ARFGEF1: variants seen among roughly 807,000 people sequenced by gnomAD.
The protein encoded by ARFGEF1 is brefeldin A-inhibited guanine nucleotide-exchange protein 1.
A neutral mutation model predicts 231.0 loss-of-function variants in ARFGEF1; 42 were observed. The observed-to-expected ratio is 0.18, with a 90% CI of 0.14 to 0.24. The LOEUF (loss-of-function observed/expected upper bound fraction) is 0.24, where lower values mean the gene tolerates loss of function less well. ARFGEF1 is among the 10% of genes least tolerant of loss of function. ARFGEF1 has a pLI of 1.00. For synonymous variants in ARFGEF1, 710 were observed against 732.3 expected, an observed-to-expected ratio of 0.97 and a Z score of 0.49; for missense variants, 1,345 against 2,192.0, an observed-to-expected ratio of 0.61 and a Z score of 7.72.
rs145948171 is a variant in ARFGEF1, at chr8:67,175,800, T to C, written c.561-228A>G. On this transcript the variant is annotated intron_variant, in intron 5 of 5. Coordinates refer to the ARFGEF1 transcript ENST00000518789. ...TGTCGGGCATTTGCCTACTGTGCCA[T>C]GTCAGGCATTTGTCTACTGTGGTGT... 1.5e-3 allele frequency among the ~76,000 whole-genome samples: 232 copies of C among 152,378 alleles called. 2 individuals are homozygous for C. Among genetic ancestry groups the C allele is most frequent in the East Asian group, 0.014 (71 of 5,188 alleles).
chr8:67,217,304 CA>C (rs1388888346), intron 32 of ARFGEF1, among the ~76,000 whole-genome samples: 198 of 83,238 alleles, frequency 2.4e-3, no homozygotes, highest in East Asian at 8.0e-3. Context: ...AACTCCATCT[CA>C]AAAAAAAAAA....
chr8:67,228,285 T>C, intron 23 of ARFGEF1, 21 bp from the exon 24 acceptor site: 2 of 1,589,800 alleles, frequency 1.3e-6, no homozygotes, highest in Non-Finnish European at 1.7e-6. Flanking sequence ...TAAAACACAA[T>C]TTAAAAAATT....
chr8:67,193,346 C>A (rs1471566332), downstream of ARFGEF1: 20 of 784,020 alleles, frequency 2.6e-5, no homozygotes, highest in Non-Finnish European at 4.0e-5. Context: ...ATCTGCCCAC[C>A]TCGGCTTCCC....
rs1027991328 is a variant in ARFGEF1, at chr8:67,343,354, G to A, written c.-67C>T. On this transcript the variant is annotated 5_prime_UTR_variant, in exon 1 of 39. Transcript: ENST00000262215. The stretch of plus-strand genomic sequence containing the variant: ...CCCAGCGGCTGGAGGGGAGGAGGAG[G>A]AGAGGAAGGAAGAGAAGAGAGAAAG... 14 of 1,573,366 alleles carry A rather than the reference G, an allele frequency of 8.9e-6. No homozygotes were observed. In the East Asian group the frequency reaches 9.3e-5, roughly 10 times the overall value.
At chr8:67,181,983 G>A (rs1333650882) in intron 5 of ARFGEF1, among the ~76,000 whole-genome samples, 1 of 152,092 alleles carries the variant, frequency 6.6e-6, no homozygotes, top group Non-Finnish European at 1.5e-5. Context: ...GTTTATCCAT[G>A]TTATAGCATG....
intron 23 of ARFGEF1, among the ~76,000 whole-genome samples, chr8:67,231,855 C>T (rs995960820): frequency 4.6e-5 from 7 of 151,952 alleles, no homozygotes; most frequent in Admixed American, 2.0e-4. Flanking sequence ...AAATGTAAAG[C>T]GTTTTGCAAG....
chr8:67,224,146 C>T (rs1377365040), intron 29 of ARFGEF1, among the ~76,000 whole-genome samples: 1 of 152,054 alleles, frequency 6.6e-6, no homozygotes, highest in East Asian at 1.9e-4. Context: ...GATAAAGTTA[C>T]ACATCCAAAT....
At chr8:67,195,470 C>T, downstream of ARFGEF1, 5 of 1,614,124 alleles carry the variant, frequency 3.1e-6, no homozygotes, top group Non-Finnish European at 4.2e-6. Context: ...AGCCCTGGCT[C>T]CGCCCTGGCA....
At chr8:67,334,543 T>C (rs1032379643) in intron 1 of ARFGEF1, among the ~76,000 whole-genome samples, 1 of 152,188 alleles carries the variant, frequency 6.6e-6, no homozygotes, top group Non-Finnish European at 1.5e-5. Flanking sequence ...AACATAAATT[T>C]ATCAAGTGGC....
chr8:67,296,660 T>C lies in ARFGEF1; in HGVS notation c.460-50A>G, dbSNP rs1304532217. The C allele has an allele frequency of 3.4e-6, 5 of 1,453,052 alleles. No individual in the cohort carries two copies. The Middle Eastern group carries it at 8.5e-4, about 247-fold the overall frequency. 90.0% of individuals were successfully genotyped at this position (1,453,052 alleles called of 1,614,324 possible). On this transcript the variant is annotated intron_variant, in intron 4 of 38. Transcript: ENST00000262215. ...TTAAAGAGATTTTCTTTTTCTTTTT[T>C]TTTTTGGAGACAGTCTTTCTCGCTC...
At chr8:67,215,706 G>C (rs1447771006) in intron 33 of ARFGEF1, among the ~76,000 whole-genome samples, 20 of 152,176 alleles carry the variant, frequency 1.3e-4, no homozygotes, top group African/African-American at 4.8e-4. Flanking sequence ...TTCTCCCTTA[G>C]AGCCTTTGGA....
chr8:67,309,016 T>C (rs1587280712), intron 1 of ARFGEF1, among the ~76,000 whole-genome samples: 3 of 152,324 alleles, frequency 2.0e-5, no homozygotes, highest in Admixed American at 1.3e-4. Context: ...CATCATCAGA[T>C]GAATGGATAA....
intron 29 of ARFGEF1, among the ~76,000 whole-genome samples, chr8:67,219,918 C>T (rs1415708834): frequency 1.3e-5 from 2 of 152,162 alleles, no homozygotes; most frequent in East Asian, 3.8e-4. Context: ...AAAGAAAATA[C>T]ATATACAGCA....
Position 67,226,156 on chromosome 8 carries a change from G to A in ARFGEF1, c.3944C>T (p.Ala1315Val), listed in dbSNP as rs142115845. The change falls in exon 28 of 39, where the codon GCG (alanine) becomes GTG (valine). Residue 1315 changes from alanine (A) to valine (V), a missense_variant. By Grantham distance (64) the Ala-to-Val change is moderately conservative. This residue lies in a region of ARFGEF1 where 142 missense variants were observed against 227.3 expected (regional missense o/e 0.62). Transcript: ENST00000262215. Reference sequence around the variant, plus strand: ...TGCATCCTGGAAAGAATCAATGGTCGCTGGAAAGTGTTTTTCAAATACAAG... The same window carrying A: ...TGCATCCTGGAAAGAATCAATGGTCACTGGAAAGTGTTTTTCAAATACAAG... The part of the protein sequence containing the change: ...VTLVFEKHFP[A>V]TIDSFQDAVK... 153 of 1,607,282 alleles carry A rather than the reference G, an allele frequency of 9.5e-5. 1 individual carries two copies. In the African/African-American group the frequency reaches 1.4e-3, roughly 14 times the overall value.
intron 5 of ARFGEF1, chr8:67,190,586 G>T: frequency 8.1e-7 from 1 of 1,237,754 alleles, no homozygotes; most frequent in Non-Finnish European, 1.2e-6. Flanking sequence ...AAGGCTCTTG[G>T]TTTAGCTCTG....
Position 67,217,884 on chromosome 8 carries a change from A to G in ARFGEF1, c.4511T>C (p.Leu1504Ser). Reference sequence around the variant, plus strand: ...ACCATTCAGAATAACAACATTCTCTAAACAGTTTGTACCAGATCGCGCTAA... The same window carrying G: ...ACCATTCAGAATAACAACATTCTCTGAACAGTTTGTACCAGATCGCGCTAA... ...EQLARSGTNC[L>S]ENVVILNGEK... Residue 1504 changes from leucine (L) to serine (S), a missense_variant, in exon 32 of 39, where the codon TTA becomes TCA. Physicochemically the swap from Leu to Ser is moderately radical, Grantham distance 145. Around this residue, in one of 14 missense-constraint regions of ARFGEF1, gnomAD observed 54 missense variants for 86.5 expected, o/e 0.62. Coordinates refer to ENST00000262215, the MANE Select transcript of ARFGEF1 (RefSeq NM_006421.5). 1 of 1,614,080 alleles carries G rather than the reference A, an allele frequency of 6.2e-7. No individual in the cohort carries two copies. Among genetic ancestry groups the G allele is most frequent in the Non-Finnish European group, 8.5e-7 (1 of 1,179,986 alleles).
chr8:67,240,228 T>C lies in ARFGEF1; in HGVS notation c.2913A>G (p.Glu971=), dbSNP rs766205926. ...TACCTTCCAGGCAAAGAGAGGCTAC[T>C]TCAGTATCATCACAATCTTGTAGAC... The part of the protein sequence containing the change: ...SVGLQDCDDT[E]VASLCLEGIR... Residue 971 remains glutamate, a synonymous_variant, in exon 20 of 39, where the codon GAA becomes GAG. Coordinates refer to ENST00000262215, the MANE Select transcript of ARFGEF1 (RefSeq NM_006421.5). 5 of 1,613,188 alleles carry C rather than the reference T, an allele frequency of 3.1e-6. No homozygotes were observed. The African/African-American group carries it at 5.3e-5, about 17-fold the overall frequency.
At chr8:67,180,296 A>G (rs1333042782) in intron 5 of ARFGEF1, among the ~76,000 whole-genome samples, 1 of 152,196 alleles carries the variant, frequency 6.6e-6, no homozygotes, top group Non-Finnish European at 1.5e-5. Flanking sequence ...AACTTGGATG[A>G]CTCTTCAGGG....
At chr8:67,196,120 G>A (rs563804640), downstream of ARFGEF1, 3 of 152,678 alleles carry the variant, frequency 2.0e-5, no homozygotes, top group East Asian at 3.9e-4. Context: ...GTAATTACTT[G>A]TATTTTTGTA....
Sources: gnomAD v4.1 joint callset for allele counts (sites outside exome capture counted in the v4.1 genomes callset) on GRCh38, gnomAD v4.1.1 for gene constraint, gnomAD v4.1.1 regional missense constraint, MANE v1.5 for transcripts, NCBI Gene and HGNC (gene_info 2026-07-23, HGNC 2026-07-21) for gene names.